PTPRQ: variants seen among roughly 807,000 people sequenced by gnomAD.
PTPRQ encodes protein tyrosine phosphatase receptor type Q.
PTPRQ carries 199 observed loss-of-function variants against 246.0 expected under a neutral mutation model. The ratio of observed to expected loss-of-function variants is 0.81; its 90% CI spans 0.72 to 0.91. PTPRQ has a LOEUF of 0.91. PTPRQ is among the 40% of genes least tolerant of loss of function. The pLI is 0.00. For synonymous variants in PTPRQ, 869 were observed against 853.2 expected (o/e 1.02, Z -0.32); for missense variants, 2,624 against 2,528.4 (o/e 1.04, Z -0.81).
Position 80,476,045 on chromosome 12 carries a change from CTGTT to C in PTPRQ, c.1186+3796_1186+3799del, listed in dbSNP as rs549208810. On this transcript the variant is annotated intron_variant, in intron 8 of 44. Transcript: ENST00000644991. ...TTAATATGATCAATGTAGTCATTAGCTGTTTTTTTTTTTTCAGTTGAGATTCTAC... is the reference window on the plus strand; with the variant it reads ...TTAATATGATCAATGTAGTCATTAGCTTTTTTTTTTCAGTTGAGATTCTAC... Among the ~76,000 whole-genome samples the C allele has an allele frequency of 3.6e-3, 534 of 148,654 alleles. 18 individuals are homozygous for C. The highest frequency in any genetic ancestry group is 0.033 in the Admixed American group (500 of 14,938).
At chr12:80,515,664 C>T (rs1261263471) in intron 17 of PTPRQ, among the ~76,000 whole-genome samples, 1 of 151,654 alleles carries the variant, frequency 6.6e-6, no homozygotes, top group Non-Finnish European at 1.5e-5. Flanking sequence ...GAACTCCTGA[C>T]CTCAGGTGAT....
chr12:80,467,353 A>T (rs1893462516), intron 6 of PTPRQ, among the ~76,000 whole-genome samples: 1 of 152,098 alleles, frequency 6.6e-6, no homozygotes, highest in Admixed American at 6.5e-5. Context: ...AAAGTCAGGA[A>T]ACAACAGGTG....
At chr12:80,493,493 A>G (rs1894516356) in intron 10 of PTPRQ, 38 bp downstream of exon 10, 52 of 1,533,678 alleles carry the variant, frequency 3.4e-5, no homozygotes, top group Non-Finnish European at 4.6e-5. Flanking sequence ...GTTCATTTAA[A>G]CCACCAGTGC....
chr12:80,556,200 C>T (rs939968097), intron 25 of PTPRQ, among the ~76,000 whole-genome samples: 2 of 151,942 alleles, frequency 1.3e-5, no homozygotes, highest in Non-Finnish European at 2.9e-5. Context: ...GCTAATTTTT[C>T]GTATTTTTAG....
chr12:80,486,645 T>G (rs1307805352), intron 9 of PTPRQ, among the ~76,000 whole-genome samples: 1 of 152,166 alleles, frequency 6.6e-6, no homozygotes, highest in African/African-American at 2.4e-5. Flanking sequence ...TAGTGTGTTC[T>G]TCATTTGTTT....
intron 25 of PTPRQ, among the ~76,000 whole-genome samples, chr12:80,575,618 G>T (rs1187708938): frequency 1.3e-5 from 2 of 151,542 alleles, no homozygotes; most frequent in Non-Finnish European, 2.9e-5. Flanking sequence ...AGGGTGGGCA[G>T]ATCTCCAGGT....
chr12:80,658,329 A>G (rs1900512565), intron 39 of PTPRQ, among the ~76,000 whole-genome samples: 1 of 152,082 alleles, frequency 6.6e-6, no homozygotes, highest in Non-Finnish European at 1.5e-5. Context: ...CCACTAATTC[A>G]TATGCTTTGT....
chr12:80,612,504 G>A (rs1609282), intron 28 of PTPRQ, among the ~76,000 whole-genome samples: 145,975 of 150,430 alleles, frequency 0.97, 70,841 homozygotes, highest in East Asian at 1. Flanking sequence ...AACAGATAAG[G>A]TAATAATTTA....
chr12:80,558,259 C>G (rs988345968), intron 25 of PTPRQ, among the ~76,000 whole-genome samples: 1 of 151,520 alleles, frequency 6.6e-6, no homozygotes, highest in Admixed American at 6.6e-5. Flanking sequence ...CCTCTGCCTC[C>G]CGGGTTCAAG....
At chr12:80,656,944 T>C (rs1353308146) in intron 38 of PTPRQ, among the ~76,000 whole-genome samples, 1 of 148,456 alleles carries the variant, frequency 6.7e-6, no homozygotes, top group East Asian at 2.0e-4. Flanking sequence ...ATCCATGAAA[T>C]TTTCAGAAGA....
intron 33 of PTPRQ, 145 bp from the exon 34 acceptor site, chr12:80,632,047 A>G (rs1899457647): frequency 8.8e-7 from 1 of 1,139,520 alleles, no homozygotes. Context: ...ATCTAGGAGA[A>G]GAGGAACAAA....
intron 6 of PTPRQ, chr12:80,462,612 C>T (rs1202082088): frequency 1.3e-5 from 2 of 153,622 alleles, no homozygotes; most frequent in African/African-American, 2.5e-5. Context: ...CTGGGAGGCA[C>T]CCCCCAGTAG....
chr12:80,660,353 A>G (rs758709580), intron 39 of PTPRQ, among the ~76,000 whole-genome samples: 1 of 151,992 alleles, frequency 6.6e-6, no homozygotes, highest in Non-Finnish European at 1.5e-5. Context: ...TAACATGCCA[A>G]TGTGTGTTTT....
At chr12:80,531,837 T>C (rs1350013744) in intron 17 of PTPRQ, among the ~76,000 whole-genome samples, 1 of 152,178 alleles carries the variant, frequency 6.6e-6, no homozygotes, top group African/African-American at 2.4e-5. Flanking sequence ...TTTAGCTTAA[T>C]TTTGTCTCTT....
chr12:80,461,650 A>G (rs1344084853), intron 6 of PTPRQ, among the ~76,000 whole-genome samples: 1 of 150,642 alleles, frequency 6.6e-6, no homozygotes, highest in African/African-American at 2.4e-5. Flanking sequence ...ATATCATAAT[A>G]TAGTATCAGG....
chr12:80,468,402 C>A (rs1032734034), intron 6 of PTPRQ, among the ~76,000 whole-genome samples: 1 of 151,974 alleles, frequency 6.6e-6, no homozygotes, highest in Non-Finnish European at 1.5e-5. Context: ...ATAAATGTTT[C>A]AAGACAATGT....
chr12:80,575,775 G>T (rs554359780), intron 25 of PTPRQ, among the ~76,000 whole-genome samples: 66 of 148,206 alleles, frequency 4.5e-4, no homozygotes, highest in Non-Finnish European at 7.3e-4. Flanking sequence ...GGAGGCAGAG[G>T]TTGCAGTGAG....
chr12:80,528,981 T>C (rs1438621941), intron 17 of PTPRQ, among the ~76,000 whole-genome samples: 1 of 152,114 alleles, frequency 6.6e-6, no homozygotes, highest in Non-Finnish European at 1.5e-5. Context: ...AACCAAATGA[T>C]GACAATAGGA....
At chr12:80,678,857 T>G (rs1203145011) in intron 44 of PTPRQ, 129 bp from the exon 45 acceptor site, 9 of 1,425,344 alleles carry the variant, frequency 6.3e-6, no homozygotes, top group African/African-American at 1.4e-5. Context: ...TTTTTTTCTT[T>G]AACTTTTCTC....
Sources: allele counts gnomAD v4.1 joint callset (sites outside exome capture counted in the v4.1 genomes callset), GRCh38; gene constraint gnomAD v4.1.1; transcripts MANE v1.5; gene names NCBI Gene and HGNC (gene_info 2026-07-23, HGNC 2026-07-21).